MRPS25: variants seen among roughly 807,000 people sequenced by gnomAD.
The protein encoded by MRPS25 is mitochondrial ribosomal protein S25, also known as small ribosomal subunit protein mS25.
MRPS25 carries 15 observed loss-of-function variants against 17.3 expected under a neutral mutation model. That is an observed-to-expected ratio of 0.87 (90% CI 0.58 to 1.34). The LOEUF (loss-of-function observed/expected upper bound fraction) is 1.34. Among genes scored for constraint, MRPS25 ranks in the 40% most tolerant of loss-of-function variants. The probability of loss-of-function intolerance (pLI) is 0.00; values close to 1 mark genes in which losing one functional copy is unlikely to be tolerated. For missense variants in MRPS25, 225 were observed against 218.6 expected, an observed-to-expected ratio of 1.03 and a Z score of -0.19; for synonymous variants, 94 against 83.3, an observed-to-expected ratio of 1.13 and a Z score of -0.70.
At position 15,051,687 on chromosome 3, in the gene MRPS25, A is replaced by G; in HGVS notation, c.*754T>C. 1.0e-6 allele frequency: 1 copy of G among 985,822 alleles called. No individual in the cohort carries two copies. The highest frequency in any genetic ancestry group is 1.2e-6 in the Non-Finnish European group (1 of 830,244). The allele number at this position is 985,822 out of a possible 1,614,324, so 61.1% of individuals were successfully genotyped here. On this transcript the variant is annotated 3_prime_UTR_variant, in exon 4 of 4. Transcript: ENST00000253686. ...GCCAGCAGAGCCAGCTATAGACACC[A>G]TCCCCCCAGCAGGGCCCCAATGTCT...
In MRPS25 at chr3:15,052,259, A is replaced by G; in HGVS notation, c.*182T>C. The G allele has an allele frequency of 7.3e-7, 1 of 1,362,832 alleles. No individual in the cohort carries two copies. The highest frequency in any genetic ancestry group is 9.4e-7 in the Non-Finnish European group (1 of 1,059,650). The allele number at this position is 1,362,832 out of a possible 1,614,324, so 84.4% of individuals were successfully genotyped here. ...AGCAGAGCAGGGATATTCATTTAGCAGCTCAGCTTCAGACCCTCCTCTCCC... is the reference window on the plus strand; with the variant it reads ...AGCAGAGCAGGGATATTCATTTAGCGGCTCAGCTTCAGACCCTCCTCTCCC... On this transcript the variant is annotated 3_prime_UTR_variant, in exon 4 of 4. Coordinates refer to ENST00000253686, the MANE Select transcript of MRPS25 (RefSeq NM_022497.5).
intron 2 of MRPS25, among the ~76,000 whole-genome samples, chr3:15,058,690 C>T (rs1453303368): frequency 1.3e-5 from 2 of 152,186 alleles, no homozygotes; most frequent in Non-Finnish European, 2.9e-5. Flanking sequence ...TCCCAACCTA[C>T]ACTTCATTTG....
rs373573826 is a variant in MRPS25, at chr3:15,065,054, G to T, written c.134+7C>A. The T allele has an allele frequency of 1.9e-6, 3 of 1,574,148 alleles. No homozygotes were observed. Among genetic ancestry groups the T allele is most frequent in the South Asian group, 2.3e-5 (2 of 86,386 alleles). On this transcript the variant is annotated splice_region_variant and intron_variant, in intron 1 of 3. Transcript: ENST00000253686. ...CGGCTCGCCAGGCGGCCGGGGCTGC[G>T]ACTGACCTGGCGCCCTCGCCCAGCT... is the stretch of plus-strand genomic sequence containing the variant.
Position 15,048,670 on chromosome 3 carries a change from C to T in MRPS25, c.*3771G>A, listed in dbSNP as rs951788909. ...ACCATAGCATTCATGGACTCAAATGCTGCTGCCACACACAACTCAAGTGCT... is the reference window on the plus strand; with the variant it reads ...ACCATAGCATTCATGGACTCAAATGTTGCTGCCACACACAACTCAAGTGCT... On this transcript the variant is annotated 3_prime_UTR_variant, in exon 4 of 4. Coordinates refer to ENST00000253686, the MANE Select transcript of MRPS25 (RefSeq NM_022497.5). The T allele has an allele frequency of 1.3e-5, 2 of 152,610 alleles. No individual in the cohort carries two copies. The highest frequency in any genetic ancestry group is 2.9e-5 in the Non-Finnish European group (2 of 68,036). The allele number at this position is 152,610 out of a possible 1,614,324, so 9.5% of individuals were successfully genotyped here. A position where few individuals can be genotyped will look rare whatever the true frequency, so the allele number is the denominator to read the frequency against.
rs574998865 is a variant in MRPS25, at chr3:15,051,039, A to G, written c.*1402T>C. ...GGCCCCAGCAGGTAGAGGAATGAAA[A>G]CTTCAGTCCTGCTCTGTCAAGCACC... is the stretch of plus-strand genomic sequence containing the variant. On this transcript the variant is annotated 3_prime_UTR_variant, in exon 4 of 4. Transcript: ENST00000253686. The G allele has an allele frequency of 2.7e-5, 27 of 981,956 alleles. No individual in the cohort carries two copies. In the East Asian group the frequency reaches 1.1e-3, roughly 41 times the overall value. 60.8% of individuals were successfully genotyped at this position (981,956 alleles called of 1,614,324 possible). A position where few individuals can be genotyped will look rare whatever the true frequency, so the allele number is the denominator to read the frequency against.
At chr3:15,064,559 T>C (rs2042828288) in intron 1 of MRPS25, among the ~76,000 whole-genome samples, 1 of 152,144 alleles carries the variant, frequency 6.6e-6, no homozygotes, top group Non-Finnish European at 1.5e-5. Context: ...TCCCCAGCCT[T>C]AGAGTGGGGA....
intron 1 of MRPS25, among the ~76,000 whole-genome samples, chr3:15,062,143 TCAGCCCCCCGCCC>T (rs1381809292): frequency 0.3 from 9,474 of 31,194 alleles, 4,609 homozygotes; most frequent in African/African-American, 0.34. Context: ...GTGCGGCGGG[TCAGCCCCCCGCCC>T]GGCCAGCCGC....
In MRPS25 at chr3:15,050,035, TTC is replaced by T; in HGVS notation, c.*2404_*2405del. 2 of 1,458,450 alleles carry T rather than the reference TTC, an allele frequency of 1.4e-6. No individual in the cohort carries two copies. The highest frequency in any genetic ancestry group is 1.8e-6 in the Non-Finnish European group (2 of 1,120,200). 90.3% of individuals were successfully genotyped at this position (1,458,450 alleles called of 1,614,324 possible). A position where few individuals can be genotyped will look rare whatever the true frequency, so the allele number is the denominator to read the frequency against. ...TTATCAATTATAAAATCCTCACATT[TTC>T]TCTAATTAATTTTCTCCCATTTCTG... On this transcript the variant is annotated 3_prime_UTR_variant, in exon 4 of 4. Coordinates refer to ENST00000253686, the MANE Select transcript of MRPS25 (RefSeq NM_022497.5).
At chr3:15,044,261 A>G (rs553538503), downstream of MRPS25, 5 of 152,330 alleles carry the variant, frequency 3.3e-5, no homozygotes, top group Admixed American at 2.0e-4. Context: ...GTATAGACTC[A>G]GCATCTCTGT....
chr3:15,042,966 G>A, downstream of MRPS25: 2 of 1,614,222 alleles, frequency 1.2e-6, no homozygotes, highest in Admixed American at 1.7e-5. Context: ...TCAAGATGGA[G>A]ACAGCAGAGT....
chr3:15,050,870 A>G lies in MRPS25; in HGVS notation c.*1571T>C. The G allele has an allele frequency of 1.0e-6, 1 of 985,414 alleles. No homozygotes were observed. Among genetic ancestry groups the G allele is most frequent in the Non-Finnish European group, 1.2e-6 (1 of 829,942 alleles). The allele number at this position is 985,414 out of a possible 1,614,324, so 61.0% of individuals were successfully genotyped here. A position where few individuals can be genotyped will look rare whatever the true frequency, so the allele number is the denominator to read the frequency against. Reference sequence around the variant, plus strand: ...ATCCAAATCTGCTCAATTTAATGTGATAATCTCCAACAGTTAATGAAACAC... The same window carrying G: ...ATCCAAATCTGCTCAATTTAATGTGGTAATCTCCAACAGTTAATGAAACAC... On this transcript the variant is annotated 3_prime_UTR_variant, in exon 4 of 4. Transcript: ENST00000253686.
chr3:15,051,963 C>A lies in MRPS25; in HGVS notation c.*478G>T, dbSNP rs753514750. Reference sequence around the variant, plus strand: ...GTTGCCTTTGGATTTCTGAAAAATACCCCCAAGGAACTGAACGGAGGGGTG... The same window carrying A: ...GTTGCCTTTGGATTTCTGAAAAATAACCCCAAGGAACTGAACGGAGGGGTG... On this transcript the variant is annotated 3_prime_UTR_variant, in exon 4 of 4. Transcript: ENST00000253686. 22 of 986,266 alleles carry A rather than the reference C, an allele frequency of 2.2e-5. No homozygotes were observed. Among genetic ancestry groups the A allele is most frequent in the Admixed American group, 6.1e-5 (1 of 16,288 alleles). The allele number at this position is 986,266 out of a possible 1,614,324, so 61.1% of individuals were successfully genotyped here.
chr3:15,054,684 T>C (rs961329074), intron 2 of MRPS25, among the ~76,000 whole-genome samples: 2 of 151,816 alleles, frequency 1.3e-5, no homozygotes, highest in South Asian at 2.1e-4. Context: ...AAAAACATAA[T>C]CCATAAAAGA....
chr3:15,059,519 C>T (rs762139081), intron 1 of MRPS25, 44 bp from the exon 2 acceptor site: 152 of 1,383,756 alleles, frequency 1.1e-4, no homozygotes, highest in Non-Finnish European at 1.4e-4. Context: ...GAGTTTTTAG[C>T]CTGAAATTTT....
chr3:15,042,845 T>C (rs1194587424), downstream of MRPS25: 1 of 1,614,048 alleles, frequency 6.2e-7, no homozygotes, highest in Non-Finnish European at 8.5e-7. Context: ...TTGGCCCGGA[T>C]CCTCGTTCGC....
intron 2 of MRPS25, among the ~76,000 whole-genome samples, chr3:15,056,382 C>T (rs185352820): frequency 4.3e-4 from 66 of 152,236 alleles, no homozygotes; most frequent in African/African-American, 1.3e-3. Flanking sequence ...ATAATGGTCC[C>T]CAGAGATGTC....
chr3:15,058,289 A>G (rs556778239), intron 2 of MRPS25, among the ~76,000 whole-genome samples: 9 of 151,906 alleles, frequency 5.9e-5, no homozygotes, highest in Middle Eastern at 6.8e-3. Flanking sequence ...TCCCAGGTTC[A>G]CACCATTCTC....
intron 3 of MRPS25, 197 bp downstream of exon 3, chr3:15,053,183 T>C: frequency 7.8e-7 from 1 of 1,275,344 alleles, no homozygotes; most frequent in Non-Finnish European, 1.0e-6. Flanking sequence ...CCAAGGGAGA[T>C]AAAGCTTACA....
rs528829641 is a variant in MRPS25 at position 15,050,233 on chromosome 3, C to G, written c.*2208G>C. 41 of 1,156,054 alleles carry G rather than the reference C, an allele frequency of 3.5e-5. No individual in the cohort carries two copies. In the East Asian group the frequency reaches 8.0e-4, roughly 23 times the overall value. 71.6% of individuals were successfully genotyped at this position (1,156,054 alleles called of 1,614,324 possible). A position where few individuals can be genotyped will look rare whatever the true frequency, so the allele number is the denominator to read the frequency against. ...GCTGGCCACACAGGCAGTAACTGCA[C>G]CACAGGACTGCTGCTGTCTCCACAC... On this transcript the variant is annotated 3_prime_UTR_variant, in exon 4 of 4. Transcript: ENST00000253686.
Sources: gnomAD v4.1 joint callset for allele counts (sites outside exome capture counted in the v4.1 genomes callset) on GRCh38, gnomAD v4.1.1 for gene constraint, MANE v1.5 for transcripts, NCBI Gene and HGNC (gene_info 2026-07-23, HGNC 2026-07-21) for gene names.